The following VIL1 variants were observed in gnomAD, a reference collection of about 807,000 sequenced individuals.
VIL1 encodes villin-1.
A neutral mutation model predicts 104.0 loss-of-function variants in VIL1; 86 were observed. The ratio of observed to expected loss-of-function variants is 0.83; its 90% CI spans 0.69 to 0.99. VIL1 has a LOEUF of 0.99. Ranked by LOEUF, VIL1 falls within the 50% of genes least tolerant of loss-of-function variation. VIL1 has a pLI of 0.00. For synonymous variants in VIL1, 394 were observed against 412.6 expected, an observed-to-expected ratio of 0.95 and a Z score of 0.55; for missense variants, 944 against 1,054.1, an observed-to-expected ratio of 0.90 and a Z score of 1.45.
At chr2:218,436,731 T>G in intron 16 of VIL1, 105 bp downstream of exon 16, 1 of 1,403,596 alleles carries the variant, frequency 7.1e-7, no homozygotes, top group South Asian at 1.4e-5. Context: ...TCTTGGCCCT[T>G]ACATAATTTC....
intron 9 of VIL1, among the ~76,000 whole-genome samples, 200 bp downstream of exon 9, chr2:218,430,147 G>C (rs1032194415): frequency 6.6e-6 from 1 of 152,192 alleles, no homozygotes; most frequent in Non-Finnish European, 1.5e-5. Context: ...GGTCATCTTC[G>C]GGGTTCTCTG....
chr2:218,446,759 A>ATTTT (rs1559151598), intron 19 of VIL1, among the ~76,000 whole-genome samples: 5 of 50,142 alleles, frequency 1.0e-4, no homozygotes, highest in African/African-American at 4.3e-4. Flanking sequence ...AGTGACCTTG[A>ATTTT]CTTTTTTTTT....
intron 12 of VIL1, chr2:218,432,582 G>A (rs1394644492): frequency 2.5e-6 from 2 of 800,938 alleles, no homozygotes; most frequent in Admixed American, 4.0e-5. Context: ...GGCTGGGCTG[G>A]GTCTGGGAAA....
chr2:218,431,078 G>A, intron 10 of VIL1, 200 bp downstream of exon 10: 1 of 715,654 alleles, frequency 1.4e-6, no homozygotes, highest in Non-Finnish European at 2.3e-6. Context: ...GCTGGGCATG[G>A]TGGCACATGC....
chr2:218,428,384 C>A, intron 6 of VIL1, 47 bp downstream of exon 6: 1 of 1,530,210 alleles, frequency 6.5e-7, no homozygotes, highest in Non-Finnish European at 9.1e-7. Context: ...CCTAGACTGC[C>A]CCCACCTGCT....
chr2:218,434,374 GCAAA>G (rs1689150644), intron 13 of VIL1, 148 bp from the exon 14 acceptor site: 1 of 733,208 alleles, frequency 1.4e-6, no homozygotes, highest in Non-Finnish European at 2.1e-6. Flanking sequence ...ACGCTGTGAT[GCAAA>G]CAATGTTTTA....
At position 218,437,299 on chromosome 2, in the gene VIL1, C is replaced by A; in HGVS notation, c.2147C>A (p.Pro716His). The A allele has an allele frequency of 1.2e-6, 2 of 1,613,850 alleles. No individual in the cohort carries two copies. Among genetic ancestry groups the A allele is most frequent in the South Asian group, 2.2e-5 (2 of 91,048 alleles). ...ACAGGCTGGTTCCTGGCTTGGGATCCCTTCAAGTGGAGTGTGAGTGGCCTC... is the reference window on the plus strand; with the variant it reads ...ACAGGCTGGTTCCTGGCTTGGGATCACTTCAAGTGGAGTGTGAGTGGCCTC... Reference protein sequence around the residue: ...TFTGWFLAWDPFKWSNTKSYE... With the variant: ...TFTGWFLAWDHFKWSNTKSYE... Residue 716 changes from proline (P) to histidine (H), a missense_variant, in exon 17 of 20, where the codon CCC becomes CAC. Pro to His is a moderately conservative substitution (Grantham distance 77, BLOSUM62 -2). Coordinates refer to ENST00000248444, the MANE Select transcript of VIL1 (RefSeq NM_007127.3).
Position 218,444,676 on chromosome 2 carries a change from CTCTG to C in VIL1, c.2370+3819_2370+3822del, listed in dbSNP as rs1167906779. ...GAGTGTAGGAGAGGTTTTCAGATCT[CTCTG>C]TCTGCTCCAATCTTGCAAGGTGAGC... On this transcript the variant is annotated intron_variant, in intron 19 of 19. Coordinates refer to ENST00000248444, the MANE Select transcript of VIL1 (RefSeq NM_007127.3). Among the ~76,000 whole-genome samples, 9 of 150,046 alleles carry C rather than the reference CTCTG, an allele frequency of 6.0e-5. No individual in the cohort carries two copies. In the East Asian group the frequency reaches 1.5e-3, roughly 26 times the overall value.
At chr2:218,429,998 G>C in intron 9 of VIL1, 51 bp downstream of exon 9, 1 of 1,522,002 alleles carries the variant, frequency 6.6e-7, no homozygotes. Flanking sequence ...GTGATGGGAG[G>C]GAGAGAGCAG....
chr2:218,428,086 C>T lies in VIL1; in HGVS notation c.456+13C>T, dbSNP rs1270086690. 3.7e-6 allele frequency: 6 copies of T among 1,613,434 alleles called. 1 individual carries two copies. The highest frequency in any genetic ancestry group is 3.3e-4 in the Middle Eastern group (2 of 6,078). The stretch of plus-strand genomic sequence containing the variant: ...GGTAGCTGGAGAGGTAGGCAGGCCC[C>T]ACTGGAGCATCGGCCAGGGCTGTGA... On this transcript the variant is annotated intron_variant, in intron 5 of 19. Transcript: ENST00000248444.
intron 17 of VIL1, among the ~76,000 whole-genome samples, chr2:218,438,003 ATT>A (rs1689224761): frequency 6.6e-6 from 1 of 152,142 alleles, no homozygotes; most frequent in African/African-American, 2.4e-5. Context: ...AGAAAGCTTA[ATT>A]TCCTTAAATT....
intron 12 of VIL1, 47 bp downstream of exon 12, chr2:218,432,230 G>A (rs775053357): frequency 1.3e-6 from 2 of 1,591,746 alleles, no homozygotes; most frequent in Admixed American, 1.7e-5. Flanking sequence ...GCTTAGCTCT[G>A]CCTTGTACAT....
At chr2:218,421,878 A>T (rs1164297150) in intron 1 of VIL1, among the ~76,000 whole-genome samples, 2 of 152,188 alleles carry the variant, frequency 1.3e-5, no homozygotes, top group Non-Finnish European at 2.9e-5. Flanking sequence ...TCATCGATTT[A>T]GTTAACCCCC....
At chr2:218,429,763 C>T in intron 8 of VIL1, 86 bp from the exon 9 acceptor site, 1 of 1,589,652 alleles carries the variant, frequency 6.3e-7, no homozygotes, top group Non-Finnish European at 8.6e-7. Context: ...TGGGGTGGGC[C>T]TGGGAGGGAG....
chr2:218,428,135 T>TGAGGAGGGGTGAG (rs1553533202), intron 5 of VIL1, 62 bp downstream of exon 5: 68 of 1,596,006 alleles, frequency 4.3e-5, no homozygotes, highest in Middle Eastern at 3.3e-4. Context: ...GGGCAGGGGC[T>TGAGGAGGGGTGAG]GAGGAGGGGT....
rs1022562699 is a variant in VIL1 at position 218,441,281 on chromosome 2, C to A, written c.2370+419C>A. On this transcript the variant is annotated intron_variant, in intron 19 of 19. Transcript: ENST00000248444. ...GTGTATGCCTGTAATCCCAGCTACT[C>A]GGGAGGCTGAGCCATGAGAATTGCT... 2.0e-5 allele frequency among the ~76,000 whole-genome samples: 3 copies of A among 151,292 alleles called. 1 individual carries two copies. The East Asian group carries it at 5.9e-4, about 30-fold the overall frequency.
chr2:218,423,171 G>C (rs756527451), intron 1 of VIL1, among the ~76,000 whole-genome samples: 2 of 152,224 alleles, frequency 1.3e-5, no homozygotes, highest in Non-Finnish European at 2.9e-5. Context: ...TGTGACAGGT[G>C]GATCACCTGA....
chr2:218,436,352 A>G, intron 15 of VIL1, 130 bp from the exon 16 acceptor site: 1 of 1,253,642 alleles, frequency 8.0e-7, no homozygotes, highest in East Asian at 2.4e-5. Context: ...CCTTTTATCA[A>G]TCAGAAGATA....
chr2:218,424,456 C>A, intron 3 of VIL1, 105 bp downstream of exon 3: 2 of 1,240,668 alleles, frequency 1.6e-6, no homozygotes, highest in Non-Finnish European at 2.3e-6. Context: ...TGGCTTCACC[C>A]CAAGACACAA....
Sources: allele counts gnomAD v4.1 joint callset (sites outside exome capture counted in the v4.1 genomes callset), GRCh38; gene constraint gnomAD v4.1.1; transcripts MANE v1.5; gene names NCBI Gene and HGNC (gene_info 2026-07-23, HGNC 2026-07-21).